NAGK: variants seen among roughly 807,000 people sequenced by gnomAD.
NAGK encodes N-acetyl-D-glucosamine kinase.
A neutral mutation model predicts 42.9 loss-of-function variants in NAGK; 35 were observed. The observed-to-expected ratio is 0.82, with a 90% CI of 0.62 to 1.08. The LOEUF is 1.08. Ranked by LOEUF, NAGK falls within the 50% of genes least tolerant of loss-of-function variation. NAGK has a pLI of 0.00. For synonymous variants in NAGK, 172 were observed against 176.0 expected (o/e 0.98, Z 0.18); for missense variants, 446 against 446.0 (o/e 1.00, Z 0.00).
rs1303100472 is a variant in NAGK at position 71,068,725 on chromosome 2, C to A, written c.29+13C>A. The A allele has an allele frequency of 8.3e-6, 12 of 1,453,522 alleles. No homozygotes were observed. Among genetic ancestry groups the A allele is most frequent in the Middle Eastern group, 2.3e-4 (1 of 4,344 alleles). 90.0% of individuals were successfully genotyped at this position (1,453,522 alleles called of 1,614,324 possible). ...GGGGTGTAGAGGGGTGAGTGCGGCC[C>A]GGCGGAGGGAGCCTGGGCCCGAAGG... On this transcript the variant is annotated intron_variant, in intron 1 of 9. Coordinates refer to ENST00000244204, the MANE Select transcript of NAGK (RefSeq NM_017567.6).
chr2:71,073,153 GC>G, intron 5 of NAGK: 1 of 476,264 alleles, frequency 2.1e-6, no homozygotes, highest in Non-Finnish European at 3.9e-6. Context: ...TTTCATAGGG[GC>G]CCTTGAGGTC....
In NAGK at chr2:71,078,517, T is replaced by A; in HGVS notation, c.*9T>A. The A allele has an allele frequency of 1.3e-6, 2 of 1,512,020 alleles. No individual in the cohort carries two copies. Among genetic ancestry groups the A allele is most frequent in the Non-Finnish European group, 1.8e-6 (2 of 1,123,302 alleles). The allele number at this position is 1,512,020 out of a possible 1,614,324, so 93.7% of individuals were successfully genotyped here. A position where few individuals can be genotyped will look rare whatever the true frequency, so the allele number is the denominator to read the frequency against. ...CCTACACCTTTTCCTAGGGGGCTGG[T>A]CCCGGCTCCACCCCCTCCAAGCTCA... On this transcript the variant is annotated 3_prime_UTR_variant, in exon 10 of 10. Coordinates refer to ENST00000244204, the MANE Select transcript of NAGK (RefSeq NM_017567.6).
At position 71,078,407 on chromosome 2, in the gene NAGK, G is replaced by T. The variant is rs559948418; in HGVS notation, c.934G>T (p.Ala312Ser). Residue 312 changes from alanine to serine, a missense_variant, in exon 10 of 10, where the codon GCT becomes TCT. Transcript: ENST00000244204. ...FTLMKLRHSS[A>S]LGGASLGARH... Reference sequence around the variant, plus strand: ...CCTGATGAAGCTGAGGCACTCCTCCGCTCTGGGTGGGGCCAGCCTAGGGGC... The same window carrying T: ...CCTGATGAAGCTGAGGCACTCCTCCTCTCTGGGTGGGGCCAGCCTAGGGGC... The T allele has an allele frequency of 2.5e-6, 4 of 1,614,066 alleles. No individual in the cohort carries two copies. The highest frequency in any genetic ancestry group is 1.3e-5 in the African/African-American group (1 of 75,040).
intron 7 of NAGK, 63 bp from the exon 8 acceptor site, chr2:71,076,541 A>G (rs1254543853): frequency 7.5e-7 from 1 of 1,330,816 alleles, no homozygotes; most frequent in East Asian, 2.4e-5. Flanking sequence ...GAGAGAGGAT[A>G]GCCCAGGAAT....
Position 71,077,614 on chromosome 2 carries a change from G to A in NAGK, c.822G>A (p.Lys274=), listed in dbSNP as rs1309063443. 3.1e-6 allele frequency: 5 copies of A among 1,608,124 alleles called. No homozygotes were observed. The highest frequency in any genetic ancestry group is 4.2e-6 in the Non-Finnish European group (5 of 1,177,308). The change falls in exon 9 of 10, where the codon AAG becomes AAA. Residue 274 remains lysine (K), a synonymous_variant. Transcript: ENST00000244204. ...TCCTGTGCGTGGGCTCTGTGTGGAA[G>A]AGCTGGGAGCTGCTGAAGGAAGGTG... ...LPILCVGSVW[K]SWELLKEGFL...
At chr2:71,071,571 G>C in intron 3 of NAGK, 115 bp from the exon 4 acceptor site, 1 of 1,389,226 alleles carries the variant, frequency 7.2e-7, no homozygotes, top group South Asian at 1.5e-5. Flanking sequence ...GGGGCTGGGT[G>C]AACAGGGTAT....
rs1157234683 is a variant in NAGK at position 71,073,453 on chromosome 2, A to G, written c.467-29A>G. ...TCGTGAGCTCAGGATGACTGCTCCC[A>G]TCTTCTTAGCCCTCTCTGCTCCCTG... On this transcript the variant is annotated intron_variant, in intron 5 of 9. Coordinates refer to ENST00000244204, the MANE Select transcript of NAGK (RefSeq NM_017567.6). The G allele has an allele frequency of 2.6e-6, 4 of 1,521,874 alleles. No homozygotes were observed. The African/African-American group carries it at 4.1e-5, about 16-fold the overall frequency. The allele number at this position is 1,521,874 out of a possible 1,614,324, so 94.3% of individuals were successfully genotyped here.
chr2:71,078,680 T>A lies in NAGK; in HGVS notation c.*172T>A. 1 of 763,518 alleles carries A rather than the reference T, an allele frequency of 1.3e-6. No individual in the cohort carries two copies. Among genetic ancestry groups the A allele is most frequent in the East Asian group, 2.9e-5 (1 of 34,434 alleles). 47.3% of individuals were successfully genotyped at this position (763,518 alleles called of 1,614,324 possible). A position where few individuals can be genotyped will look rare whatever the true frequency, so the allele number is the denominator to read the frequency against. Reference sequence around the variant, plus strand: ...TCAAACACATGTGCTATGTACATCCTCAGTGCACCTGCCAGCAGATATCCT... The same window carrying A: ...TCAAACACATGTGCTATGTACATCCACAGTGCACCTGCCAGCAGATATCCT... On this transcript the variant is annotated 3_prime_UTR_variant, in exon 10 of 10. Transcript: ENST00000244204.
At chr2:71,072,447 T>C (rs974503127) in intron 4 of NAGK, 194 bp from the exon 5 acceptor site, 16 of 547,478 alleles carry the variant, frequency 2.9e-5, no homozygotes, top group Non-Finnish European at 1.6e-5. Context: ...GAGGGCGTTA[T>C]GGGATTAGAG....
chr2:71,078,182 G>A (rs1672283521), intron 9 of NAGK, 136 bp from the exon 10 acceptor site: 2 of 793,260 alleles, frequency 2.5e-6, no homozygotes, highest in East Asian at 5.3e-5. Context: ...TGTGTGCTGG[G>A]CACTTGGCAT....
intron 8 of NAGK, among the ~76,000 whole-genome samples, chr2:71,077,060 C>G (rs147271771): frequency 1.1e-4 from 17 of 152,270 alleles, no homozygotes; most frequent in Non-Finnish European, 2.4e-4. Flanking sequence ...ACCTCCCACT[C>G]TACCTCCCAG....
At chr2:71,068,312 C>T (rs1464772529), upstream of NAGK, 5 of 492,438 alleles carry the variant, frequency 1.0e-5, no homozygotes, top group Middle Eastern at 5.4e-4. Context: ...CTGCCAGCAA[C>T]TTCCGGGCGT....
chr2:71,072,692 C>T lies in NAGK; in HGVS notation c.407C>T (p.Pro136Leu), dbSNP rs1672063551. Residue 136 changes from proline (P) to leucine (L), a missense_variant, in exon 5 of 10, where the codon CCT (proline) becomes CTT (leucine). Coordinates refer to ENST00000244204, the MANE Select transcript of NAGK (RefSeq NM_017567.6). ...GGCTCCAACTGCAGGCTCATCAACC[C>T]TGATGGCTCCGAGAGTGGCTGCGGC... ...GTGSNCRLIN[P>L]DGSESGCGGW... 1.7e-5 allele frequency: 27 copies of T among 1,614,174 alleles called. No homozygotes were observed. Among genetic ancestry groups the T allele is most frequent in the Non-Finnish European group, 2.2e-5 (26 of 1,180,002 alleles).
chr2:71,070,489 T>C lies in NAGK; in HGVS notation c.30-13T>C, dbSNP rs753461349. On this transcript the variant is annotated splice_polypyrimidine_tract_variant and intron_variant, in intron 1 of 9. Transcript: ENST00000244204. Reference sequence around the variant, plus strand: ...TTTCCGAGCAAGATCAAGTGCCCTCTTGTGTTCTGTAGGGGAGGCACACGA... The same window carrying C: ...TTTCCGAGCAAGATCAAGTGCCCTCCTGTGTTCTGTAGGGGAGGCACACGA... The C allele has an allele frequency of 6.2e-7, 1 of 1,611,388 alleles. No homozygotes were observed. Among genetic ancestry groups the C allele is most frequent in the Non-Finnish European group, 8.5e-7 (1 of 1,177,796 alleles).
chr2:71,077,034 G>A (rs867364098), intron 8 of NAGK, among the ~76,000 whole-genome samples: 2 of 152,086 alleles, frequency 1.3e-5, no homozygotes, highest in South Asian at 4.1e-4. Flanking sequence ...CGTGATCTCA[G>A]CTCACTGCAG....
chr2:71,076,656 G>A lies in NAGK; in HGVS notation c.720G>A (p.Glu240=), dbSNP rs1260250940. Residue 240 remains glutamate, a synonymous_variant, in exon 8 of 10, where the codon GAG becomes GAA. Transcript: ENST00000244204. Reference sequence around the variant, plus strand: ...GCTATATCTTCAGGAAGGCTGGGGAGATGCTGGGCAGACACATCGTAGCAG... The same window carrying A: ...GCTATATCTTCAGGAAGGCTGGGGAAATGCTGGGCAGACACATCGTAGCAG... ...LSRYIFRKAG[E]MLGRHIVAVL... 1.2e-6 allele frequency: 2 copies of A among 1,614,058 alleles called. No individual in the cohort carries two copies. Among genetic ancestry groups the A allele is most frequent in the East Asian group, 4.5e-5 (2 of 44,872 alleles).
At position 71,078,340 on chromosome 2, in the gene NAGK, G is replaced by C. The variant is rs1261955032; in HGVS notation, c.867G>C (p.Gln289His). ...CAGGTTTTCTTCTGGCGCTGACCCA[G>C]GGCAGAGAGATCCAGGCTCAGAACT... ...LKEGFLLALT[Q>H]GREIQAQNFF... The change falls in exon 10 of 10, where the codon CAG becomes CAC. Residue 289 changes from glutamine to histidine, a missense_variant. By Grantham distance (24) the Gln-to-His change is conservative. Transcript: ENST00000244204. 2 of 1,614,044 alleles carry C rather than the reference G, an allele frequency of 1.2e-6. No individual in the cohort carries two copies. The highest frequency in any genetic ancestry group is 2.2e-5 in the East Asian group (1 of 44,896).
At chr2:71,072,524 G>C in intron 4 of NAGK, 117 bp from the exon 5 acceptor site, 1 of 797,008 alleles carries the variant, frequency 1.3e-6, no homozygotes, top group East Asian at 2.7e-5. Context: ...CTCCTCTACA[G>C]GACTGGGTGG....
At chr2:71,070,102 G>C (rs1671942231) in intron 1 of NAGK, 2 of 203,378 alleles carry the variant, frequency 9.8e-6, no homozygotes, top group South Asian at 1.5e-4. Context: ...ACCCAGTGGA[G>C]CTTGAAGTCT....
Sources: gnomAD v4.1 joint callset for allele counts (sites outside exome capture counted in the v4.1 genomes callset) on GRCh38, gnomAD v4.1.1 for gene constraint, MANE v1.5 for transcripts, NCBI Gene and HGNC (gene_info 2026-07-23, HGNC 2026-07-21) for gene names.